CLEC4M: variants seen among roughly 807,000 people sequenced by gnomAD.
CLEC4M encodes CD209 antigen-like protein 1.
A neutral mutation model predicts 39.1 loss-of-function variants in CLEC4M; 25 were observed. That is an observed-to-expected ratio of 0.64 (90% confidence interval 0.47 to 0.89). The LOEUF (loss-of-function observed/expected upper bound fraction) is 0.89. CLEC4M is among the 40% of genes least tolerant of loss of function. CLEC4M has a pLI of 0.00. For missense variants in CLEC4M, 353 were observed against 431.4 expected, an observed-to-expected ratio of 0.82 and a Z score of 1.61; for synonymous variants, 155 against 177.4, an observed-to-expected ratio of 0.87 and a Z score of 1.00.
intron 3 of CLEC4M, 58 bp downstream of exon 3, chr19:7,765,326 A>G (rs1406278657): frequency 6.3e-7 from 1 of 1,584,656 alleles, no homozygotes; most frequent in Non-Finnish European, 8.7e-7. Flanking sequence ...GGCTATGAAC[A>G]GAGCCTGGAG....
rs1045998 is a variant in CLEC4M at position 7,769,108 on chromosome 19, C to T, written c.*120C>T. ...AAATGCCCTGAGACGGTTCTCTGTT[C>T]GATTTTTCATCCCCTATGAACCTGG... On this transcript the variant is annotated 3_prime_UTR_variant, in exon 7 of 7. Transcript: ENST00000327325. 11 of 1,004,724 alleles carry T rather than the reference C, an allele frequency of 1.1e-5. No homozygotes were observed. The highest frequency in any genetic ancestry group is 1.6e-5 in the African/African-American group (1 of 62,176). The allele number at this position is 1,004,724 out of a possible 1,614,324, so 62.2% of individuals were successfully genotyped here.
chr19:7,767,003 G>C (rs2034307290), intron 5 of CLEC4M, 196 bp downstream of exon 5: 1 of 964,366 alleles, frequency 1.0e-6, no homozygotes, highest in Non-Finnish European at 1.5e-6. Flanking sequence ...TGAATATTTG[G>C]GGGAAACGTC....
chr19:7,769,109 G>T lies in CLEC4M; in HGVS notation c.*121G>T. On this transcript the variant is annotated 3_prime_UTR_variant, in exon 7 of 7. Transcript: ENST00000327325. ...AATGCCCTGAGACGGTTCTCTGTTC[G>T]ATTTTTCATCCCCTATGAACCTGGG... is the stretch of plus-strand genomic sequence containing the variant. 1 of 992,574 alleles carries T rather than the reference G, an allele frequency of 1.0e-6. No individual in the cohort carries two copies. The highest frequency in any genetic ancestry group is 1.6e-5 in the South Asian group (1 of 63,436). 61.5% of individuals were successfully genotyped at this position (992,574 alleles called of 1,614,324 possible).
chr19:7,768,647 A>G (rs1222077707), intron 6 of CLEC4M, 191 bp from the exon 7 acceptor site: 6 of 533,612 alleles, frequency 1.1e-5, no homozygotes, highest in Non-Finnish European at 1.9e-5. Flanking sequence ...GAGTCCTCCC[A>G]AGGCTGGGAT....
intron 6 of CLEC4M, chr19:7,768,542 A>G (rs1431313876): frequency 8.8e-6 from 2 of 226,186 alleles, no homozygotes; most frequent in Non-Finnish European, 1.8e-5. Context: ...ATGCCACTGC[A>G]CTCCAGCCTG....
chr19:7,767,682 T>G, intron 6 of CLEC4M, 54 bp downstream of exon 6: 1 of 1,504,122 alleles, frequency 6.6e-7, no homozygotes, highest in Non-Finnish European at 9.2e-7. Flanking sequence ...TTCCTGCAAC[T>G]CTGACTTGAG....
Position 7,768,670 on chromosome 19 carries a change from G to A in CLEC4M, c.1050-168G>A, listed in dbSNP as rs1316852028. 1.3e-5 allele frequency: 8 copies of A among 638,812 alleles called. No individual in the cohort carries two copies. In the Admixed American group the frequency reaches 1.9e-4, roughly 15 times the overall value. 39.6% of individuals were successfully genotyped at this position (638,812 alleles called of 1,614,324 possible). On this transcript the variant is annotated intron_variant, in intron 6 of 6. Coordinates refer to ENST00000327325, the MANE Select transcript of CLEC4M (RefSeq NM_014257.5). The stretch of plus-strand genomic sequence containing the variant: ...CCAAGGCTGGGATGCAGCAAGAGAG[G>A]CAGGAACTGAAGGCAACATGACTCG...
rs1266558554 is a variant in CLEC4M at position 7,763,469 on chromosome 19, C to T, written c.123C>T (p.Ser41=). ...FQFQQIHGHK[S]STGCLGHGAL... ...TCCAGCAGATACATGGCCACAAGAG[C>T]TCTACAGGTAGGCAAGAGTTAGGGA... Residue 41 remains serine, a synonymous_variant, in exon 2 of 7, where the codon AGC becomes AGT. Coordinates refer to ENST00000327325, the MANE Select transcript of CLEC4M (RefSeq NM_014257.5). 2 of 1,613,694 alleles carry T rather than the reference C, an allele frequency of 1.2e-6. No individual in the cohort carries two copies. Among genetic ancestry groups the T allele is most frequent in the Non-Finnish European group, 8.5e-7 (1 of 1,179,808 alleles).
chr19:7,763,727 G>A (rs1397311381), intron 2 of CLEC4M, among the ~76,000 whole-genome samples: 2 of 151,726 alleles, frequency 1.3e-5, no homozygotes, highest in South Asian at 2.1e-4. Flanking sequence ...ACCTACAGAG[G>A]TGGGGGTTGG....
chr19:7,767,635 T>A lies in CLEC4M; in HGVS notation c.1049+7T>A. The stretch of plus-strand genomic sequence containing the variant: ...GCTCACCTCTGTCACCCAGGTAGAT[T>A]CTGGGAGAAAGGGACACTGTATCCA... On this transcript the variant is annotated splice_region_variant and intron_variant, in intron 6 of 6. Transcript: ENST00000327325. The A allele has an allele frequency of 6.2e-7, 1 of 1,610,058 alleles. No homozygotes were observed. Among genetic ancestry groups the A allele is most frequent in the Non-Finnish European group, 8.5e-7 (1 of 1,176,364 alleles).
intron 6 of CLEC4M, 27 bp from the exon 7 acceptor site, chr19:7,768,811 G>A (rs1182750735): frequency 4.3e-6 from 7 of 1,610,650 alleles, no homozygotes; most frequent in Admixed American, 1.7e-5. Flanking sequence ...GCAGGGCAGA[G>A]GCTCACATTC....
At chr19:7,767,678 C>A (rs1338209403) in intron 6 of CLEC4M, 50 bp downstream of exon 6, 2 of 1,516,000 alleles carry the variant, frequency 1.3e-6, no homozygotes, top group East Asian at 2.3e-5. Context: ...TGGGTTCCTG[C>A]AACTCTGACT....
chr19:7,765,458 G>A lies in CLEC4M; in HGVS notation c.215-180G>A, dbSNP rs186047913. On this transcript the variant is annotated intron_variant, in intron 3 of 6. Transcript: ENST00000327325. The stretch of plus-strand genomic sequence containing the variant: ...GGACAGGAGAGGGAGGAGGAGGAGG[G>A]GAAGAACCTGGCTCTCCTTGGCCTT... The A allele has an allele frequency of 3.9e-5, 47 of 1,206,542 alleles. No individual in the cohort carries two copies. The African/African-American group carries it at 6.3e-4, about 16-fold the overall frequency. 74.7% of individuals were successfully genotyped at this position (1,206,542 alleles called of 1,614,324 possible).
At chr19:7,764,518 T>C (rs762163439) in intron 2 of CLEC4M, among the ~76,000 whole-genome samples, 6 of 151,670 alleles carry the variant, frequency 4.0e-5, no homozygotes, top group Non-Finnish European at 7.4e-5. Flanking sequence ...AGACAGAGTC[T>C]TGCTCTGTCA....
intron 6 of CLEC4M, chr19:7,767,990 G>A (rs1323584180): frequency 5.6e-6 from 1 of 177,940 alleles, no homozygotes; most frequent in African/African-American, 2.4e-5. Flanking sequence ...TTTCACAGCA[G>A]GGGGCCGCTG....
Position 7,765,272 on chromosome 19 carries a change from A to T in CLEC4M, c.214+4A>T. On this transcript the variant is annotated splice_donor_region_variant and intron_variant, in intron 3 of 6. Coordinates refer to ENST00000327325, the MANE Select transcript of CLEC4M (RefSeq NM_014257.5). ...CTGGTGGCCATCCTTGTCCAAGGTC[A>T]GGGGCAGGTTCTGAGGGTCTGGGGT... The T allele has an allele frequency of 6.2e-7, 1 of 1,614,000 alleles. No homozygotes were observed. Among genetic ancestry groups the T allele is most frequent in the East Asian group, 2.2e-5 (1 of 44,878 alleles).
In CLEC4M at chr19:7,767,060, G is replaced by C. The variant is rs1356720708; in HGVS notation, c.936+253G>C. On this transcript the variant is annotated intron_variant, in intron 5 of 6. Transcript: ENST00000327325. ...GCATGCTGCAGGTGTTTAACGGCCA[G>C]CTCTCCGGAGAGAAAATTCCTGATG... 1.9e-5 allele frequency: 11 copies of C among 585,044 alleles called. No individual in the cohort carries two copies. The Admixed American group carries it at 2.2e-4, about 12-fold the overall frequency. The allele number at this position is 585,044 out of a possible 1,614,324, so 36.2% of individuals were successfully genotyped here.
At position 7,769,026 on chromosome 19, in the gene CLEC4M, G is replaced by A. The variant is rs778859755; in HGVS notation, c.*38G>A. On this transcript the variant is annotated 3_prime_UTR_variant, in exon 7 of 7. Coordinates refer to ENST00000327325, the MANE Select transcript of CLEC4M (RefSeq NM_014257.5). ...TAGCCTCAGCCTCCATTGTGGTATA[G>A]CAGAACTTCACCCACTTGTAAGCCA... 79 of 1,602,950 alleles carry A rather than the reference G, an allele frequency of 4.9e-5. No homozygotes were observed. The highest frequency in any genetic ancestry group is 6.7e-5 in the Non-Finnish European group (78 of 1,172,570).
chr19:7,769,194 C>T lies in CLEC4M; in HGVS notation c.*206C>T, dbSNP rs954581556. 4.7e-5 allele frequency: 24 copies of T among 509,582 alleles called. No homozygotes were observed. In the South Asian group the frequency reaches 5.3e-4, roughly 11 times the overall value. 31.6% of individuals were successfully genotyped at this position (509,582 alleles called of 1,614,324 possible). A position where few individuals can be genotyped will look rare whatever the true frequency, so the allele number is the denominator to read the frequency against. On this transcript the variant is annotated 3_prime_UTR_variant, in exon 7 of 7. Transcript: ENST00000327325. ...CTGGTGTAGAGCTTGTGTTCTTGGC[C>T]CATCCTTGGAGCTTTATAAGTGACC...
Sources: allele counts gnomAD v4.1 joint callset (sites outside exome capture counted in the v4.1 genomes callset), GRCh38; gene constraint gnomAD v4.1.1; transcripts MANE v1.5; gene names NCBI Gene and HGNC (gene_info 2026-07-23, HGNC 2026-07-21).